Variants in ITPR2 observed in about 807,000 individuals in gnomAD.
ITPR2 encodes the protein inositol 1,4,5-trisphosphate receptor type 2.
In ITPR2, 207 loss-of-function variants were observed where a neutral mutation model predicts 317.1. The ratio of observed to expected loss-of-function variants is 0.65; its 90% CI spans 0.58 to 0.73. The LOEUF is 0.73. Ranked by LOEUF, ITPR2 falls within the 30% of genes least tolerant of loss-of-function variation. The pLI is 0.00. For missense variants in ITPR2, 2,613 were observed against 3,284.0 expected, an observed-to-expected ratio of 0.80 and a Z score of 4.99; for synonymous variants, 1,156 against 1,149.1, an observed-to-expected ratio of 1.01 and a Z score of -0.12.
intron 1 of ITPR2, among the ~76,000 whole-genome samples, chr12:26,803,899 A>G (rs1225355770): frequency 1.3e-5 from 2 of 152,176 alleles, no homozygotes; most frequent in Non-Finnish European, 2.9e-5. Flanking sequence ...TCATTACAGC[A>G]TGAGAAACTA....
At chr12:26,801,852 G>T (rs571946248) in intron 1 of ITPR2, among the ~76,000 whole-genome samples, 2 of 151,618 alleles carry the variant, frequency 1.3e-5, no homozygotes, top group East Asian at 3.9e-4. Context: ...AAATGAAACT[G>T]CTGTAAGGAT....
At position 26,365,214 on chromosome 12, in the gene ITPR2, GA is replaced by G. The variant is rs1938967955; in HGVS notation, c.7857+22219del. 2.0e-5 allele frequency among the ~76,000 whole-genome samples: 3 copies of G among 152,166 alleles called. No individual in the cohort carries two copies. In the South Asian group the frequency reaches 6.2e-4, roughly 31 times the overall value. On this transcript the variant is annotated intron_variant, in intron 55 of 56. Coordinates refer to ENST00000381340, the MANE Select transcript of ITPR2 (RefSeq NM_002223.4). ...CTGAACACAGAGGACCTGAGGAAAG[GA>G]AAATGAACGGTGTCACTACAAAGAA... is the stretch of plus-strand genomic sequence containing the variant.
At chr12:26,354,813 C>A (rs1938581724) in intron 55 of ITPR2, among the ~76,000 whole-genome samples, 2 of 152,124 alleles carry the variant, frequency 1.3e-5, no homozygotes, top group South Asian at 4.1e-4. Flanking sequence ...GGATGACAGA[C>A]ACATGCCATC....
chr12:26,363,711 G>C (rs1004422166), intron 55 of ITPR2, among the ~76,000 whole-genome samples: 1 of 151,902 alleles, frequency 6.6e-6, no homozygotes, highest in Non-Finnish European at 1.5e-5. Context: ...TGGCACACAG[G>C]TACCTATGTA....
chr12:26,796,014 C>T (rs984176684), intron 1 of ITPR2, among the ~76,000 whole-genome samples: 3 of 148,768 alleles, frequency 2.0e-5, no homozygotes, highest in South Asian at 4.3e-4. Flanking sequence ...GGGGGGGCAA[C>T]ACACAAAATC....
chr12:26,614,811 C>T (rs758309632), intron 26 of ITPR2, among the ~76,000 whole-genome samples: 22 of 152,030 alleles, frequency 1.4e-4, no homozygotes, highest in Non-Finnish European at 2.6e-4. Context: ...GAAGGAGAGA[C>T]AAATAGGTGA....
At chr12:26,682,065 A>G in intron 12 of ITPR2, 31 bp from the exon 13 acceptor site, 1 of 1,563,430 alleles carries the variant, frequency 6.4e-7, no homozygotes. Context: ...GCTTAGTTTT[A>G]TAAACAACTA....
At chr12:26,543,707 C>T (rs1468156778) in intron 37 of ITPR2, among the ~76,000 whole-genome samples, 3 of 151,956 alleles carry the variant, frequency 2.0e-5, no homozygotes, top group Admixed American at 6.6e-5. Flanking sequence ...AGGTGGAGAT[C>T]GCAGTGAGCC....
intron 48 of ITPR2, among the ~76,000 whole-genome samples, chr12:26,434,167 C>A (rs1941292124): frequency 6.6e-6 from 1 of 152,094 alleles, no homozygotes; most frequent in South Asian, 2.1e-4. Context: ...GTTGCACCAG[C>A]AATACCTGGT....
At chr12:26,447,604 G>A (rs896361647) in intron 45 of ITPR2, among the ~76,000 whole-genome samples, 5 of 151,504 alleles carry the variant, frequency 3.3e-5, no homozygotes, top group African/African-American at 9.7e-5. Context: ...TTTTTTTAAT[G>A]TGAGTTTCAC....
chr12:26,598,396 AC>A (rs1170853546), intron 30 of ITPR2, among the ~76,000 whole-genome samples: 2 of 152,290 alleles, frequency 1.3e-5, no homozygotes, highest in African/African-American at 4.8e-5. Flanking sequence ...ATAAAAATCT[AC>A]CATGTAACTG....
rs918455234 is a variant in ITPR2, at chr12:26,680,301, G to A, written c.1409+1573C>T. On this transcript the variant is annotated intron_variant, in intron 13 of 56. Coordinates refer to ENST00000381340, the MANE Select transcript of ITPR2 (RefSeq NM_002223.4). The stretch of plus-strand genomic sequence containing the variant: ...TTTCTGTATATACATATGGGTATAT[G>A]TATATATTGAATTACACATATGTCC... 1.2e-4 allele frequency among the ~76,000 whole-genome samples: 19 copies of A among 152,184 alleles called. No individual in the cohort carries two copies. The East Asian group carries it at 3.5e-3, about 28-fold the overall frequency.
In ITPR2 at chr12:26,794,864, T is replaced by C. The variant is rs538432905; in HGVS notation, c.93-4637A>G. 4.6e-5 allele frequency among the ~76,000 whole-genome samples: 7 copies of C among 152,206 alleles called. No individual in the cohort carries two copies. The South Asian group carries it at 6.2e-4, about 14-fold the overall frequency. On this transcript the variant is annotated intron_variant, in intron 1 of 56. Coordinates refer to ENST00000381340, the MANE Select transcript of ITPR2 (RefSeq NM_002223.4). Reference sequence around the variant, plus strand: ...AGATCTACAAGACCAAAGACTTGGCTCCCTCCTTCTGTTCTACCAGGCTGA... The same window carrying C: ...AGATCTACAAGACCAAAGACTTGGCCCCCTCCTTCTGTTCTACCAGGCTGA...
chr12:26,572,920 TCAGGACTTTCTAAGA>T (rs1250295628), intron 34 of ITPR2, among the ~76,000 whole-genome samples: 1 of 152,138 alleles, frequency 6.6e-6, no homozygotes, highest in Non-Finnish European at 1.5e-5. Context: ...AGTTTATATG[TCAGGACTTTCTAAGA>T]CAGGACTTTT....
intron 55 of ITPR2, among the ~76,000 whole-genome samples, chr12:26,372,100 C>A (rs985323761): frequency 6.6e-6 from 1 of 152,168 alleles, no homozygotes; most frequent in African/African-American, 2.4e-5. Context: ...TTCCTTTATA[C>A]ACAAGGTCCT....
At chr12:26,609,081 T>C (rs933107883) in intron 26 of ITPR2, among the ~76,000 whole-genome samples, 7 of 152,018 alleles carry the variant, frequency 4.6e-5, no homozygotes, top group African/African-American at 1.4e-4. Flanking sequence ...ACGGACATGG[T>C]TGTAAGAAGG....
intron 36 of ITPR2, among the ~76,000 whole-genome samples, chr12:26,552,616 CAGA>C (rs1591890448): frequency 6.6e-6 from 1 of 152,148 alleles, no homozygotes; most frequent in Non-Finnish European, 1.5e-5. Context: ...GCCTAGCAGG[CAGA>C]AGAATTTCAA....
At chr12:26,684,991 T>A (rs1948099522) in intron 11 of ITPR2, among the ~76,000 whole-genome samples, 2 of 152,042 alleles carry the variant, frequency 1.3e-5, no homozygotes, top group African/African-American at 4.8e-5. Flanking sequence ...CAGCAACATT[T>A]CTCATGAATG....
intron 1 of ITPR2, among the ~76,000 whole-genome samples, chr12:26,816,304 AAG>A (rs1950851330): frequency 6.6e-6 from 1 of 152,166 alleles, no homozygotes; most frequent in African/African-American, 2.4e-5. Flanking sequence ...GACACTTACT[AAG>A]TGTTTTACAT....
Sources: gnomAD v4.1 joint callset for allele counts (sites outside exome capture counted in the v4.1 genomes callset) on GRCh38, gnomAD v4.1.1 for gene constraint, MANE v1.5 for transcripts, NCBI Gene and HGNC (gene_info 2026-07-23, HGNC 2026-07-21) for gene names.